CAD: variants seen among roughly 807,000 people sequenced by gnomAD.
The protein encoded by CAD is carbamoyl-phosphate synthetase 2, aspartate transcarbamylase, and dihydroorotase.
In CAD, 81 loss-of-function variants were observed where a neutral mutation model predicts 237.2. The observed-to-expected ratio is 0.34, with a 90% CI of 0.29 to 0.41. CAD has a LOEUF of 0.41. CAD is among the 10% of genes least tolerant of loss of function. The pLI is 1.00. For missense variants in CAD, 2,181 were observed against 2,951.7 expected, an observed-to-expected ratio of 0.74 and a Z score of 6.05; for synonymous variants, 1,196 against 1,162.8, an observed-to-expected ratio of 1.03 and a Z score of -0.58.
In CAD at chr2:27,241,786, G is replaced by A. The variant is rs1572454086; in HGVS notation, c.5884-125G>A. The stretch of plus-strand genomic sequence containing the variant: ...CGTCAAGGCTCTGACAGGTCACAGG[G>A]GAGGTTTGGGTGCAGAAGGGTCCTC... On this transcript the variant is annotated intron_variant, in intron 38 of 43. Transcript: ENST00000264705. This position sits in a 1 kb window ranked among gnomAD's most constrained non-coding sequence, Gnocchi z 4.6. The A allele has an allele frequency of 2.8e-6, 2 of 705,806 alleles. No homozygotes were observed. Among genetic ancestry groups the A allele is most frequent in the African/African-American group, 1.8e-5 (1 of 56,698 alleles). 43.7% of individuals were successfully genotyped at this position (705,806 alleles called of 1,614,324 possible).
intron 2 of CAD, among the ~76,000 whole-genome samples, chr2:27,220,191 T>C (rs540295657): frequency 2.5e-3 from 388 of 152,200 alleles, no homozygotes; most frequent in Non-Finnish European, 4.1e-3. Flanking sequence ...TGCTCTTGAG[T>C]TCTCTGTTTC....
chr2:27,221,122 T>C (rs1675144765), intron 2 of CAD, 96 bp from the exon 3 acceptor site: 3 of 1,075,022 alleles, frequency 2.8e-6, no homozygotes, highest in African/African-American at 1.6e-5. Context: ...GGCCATTCAA[T>C]GTGGCTGAAT....
In CAD at chr2:27,232,961, C is replaced by A; in HGVS notation, c.2893-81C>A. 3.1e-6 allele frequency: 3 copies of A among 983,530 alleles called. No individual in the cohort carries two copies. Among genetic ancestry groups the A allele is most frequent in the Non-Finnish European group, 4.9e-6 (3 of 611,040 alleles). 60.9% of individuals were successfully genotyped at this position (983,530 alleles called of 1,614,324 possible). On this transcript the variant is annotated intron_variant, in intron 18 of 43. Coordinates refer to ENST00000264705, the MANE Select transcript of CAD (RefSeq NM_004341.5). The surrounding 1 kb of genome is among the most constrained non-coding windows in gnomAD (Gnocchi z 4.1). ...GTGCTGGCAGTCTCTGAAGTAGGGGCTTTGGCTTAGTTTCTCCACGATTTT... is the reference window on the plus strand; with the variant it reads ...GTGCTGGCAGTCTCTGAAGTAGGGGATTTGGCTTAGTTTCTCCACGATTTT...
intron 15 of CAD, among the ~76,000 whole-genome samples, chr2:27,230,265 G>A (rs1393408025): frequency 1.3e-5 from 2 of 152,114 alleles, no homozygotes; most frequent in East Asian, 1.9e-4. Flanking sequence ...TGTTGATGAG[G>A]CCATGTGGCA....
At position 27,240,627 on chromosome 2, in the gene CAD, GGTT is replaced by G. The variant is rs1398743992; in HGVS notation, c.5593+271_5593+273del. ...GGCAGCAGAGCGTGGGGTAAATCCA[GGTT>G]GTTGGTTGGTGTGAGTCTGGCCGTT... On this transcript the variant is annotated intron_variant, in intron 35 of 43. Transcript: ENST00000264705. The surrounding 1 kb of genome is among the most constrained non-coding windows in gnomAD (Gnocchi z 4.6). 8.4e-6 allele frequency: 13 copies of G among 1,543,612 alleles called. No individual in the cohort carries two copies. Among genetic ancestry groups the G allele is most frequent in the Non-Finnish European group, 1.1e-5 (13 of 1,142,956 alleles).
chr2:27,217,860 C>T lies in CAD; in HGVS notation c.83-17C>T. On this transcript the variant is annotated splice_polypyrimidine_tract_variant and intron_variant, in intron 1 of 43. Transcript: ENST00000264705. ...AAGGGTGCCCTACCGGAGCCCAGCC[C>T]TGCTTCTTTCTTGCAGTGTTTCAAA... 1 of 1,586,826 alleles carries T rather than the reference C, an allele frequency of 6.3e-7. No individual in the cohort carries two copies. Among genetic ancestry groups the T allele is most frequent in the Non-Finnish European group, 8.6e-7 (1 of 1,166,382 alleles).
rs1348297746 is a variant in CAD, at chr2:27,234,510, TG to T, written c.3619-7del. ...TGCAGAAGGCCTGACCAGTCTTCTCTGCCCCAGGATGACCAGCTGAAAGTTA... is the reference window on the plus strand; with the variant it reads ...TGCAGAAGGCCTGACCAGTCTTCTCTCCCCAGGATGACCAGCTGAAAGTTA... On this transcript the variant is annotated splice_polypyrimidine_tract_variant and splice_region_variant and intron_variant, in intron 22 of 43. Coordinates refer to ENST00000264705, the MANE Select transcript of CAD (RefSeq NM_004341.5). 64 of 1,613,132 alleles carry T rather than the reference TG, an allele frequency of 4.0e-5. No individual in the cohort carries two copies. The highest frequency in any genetic ancestry group is 5.4e-5 in the Non-Finnish European group (64 of 1,179,492).
At position 27,242,137 on chromosome 2, in the gene CAD, G is replaced by A. The variant is rs541303135; in HGVS notation, c.6096+14G>A. ...GGAGCAGTGGAGGTGAGGCCAGCCT[G>A]GGTACTGAGATGGGGTTAAGAAGGC... On this transcript the variant is annotated intron_variant, in intron 39 of 43. Coordinates refer to ENST00000264705, the MANE Select transcript of CAD (RefSeq NM_004341.5). This position sits in a 1 kb window ranked among gnomAD's most constrained non-coding sequence, Gnocchi z 6.4. 70 of 1,611,396 alleles carry A rather than the reference G, an allele frequency of 4.3e-5. No homozygotes were observed. In the Middle Eastern group the frequency reaches 5.6e-4, roughly 13 times the overall value.
At position 27,230,908 on chromosome 2, in the gene CAD, A is replaced by G. The variant is rs552980126; in HGVS notation, c.2288-560A>G. On this transcript the variant is annotated intron_variant, in intron 15 of 43. Coordinates refer to ENST00000264705, the MANE Select transcript of CAD (RefSeq NM_004341.5). ...CAGTATCCCCATGCCCGTTTTAGGC[A>G]TATTGATTCCATATTCATCAATAAG... Among the ~76,000 whole-genome samples, 36 of 152,380 alleles carry G rather than the reference A, an allele frequency of 2.4e-4. 1 individual carries two copies. In the South Asian group the frequency reaches 6.6e-3, roughly 28 times the overall value.
intron 11 of CAD, 62 bp downstream of exon 11, chr2:27,225,305 T>TTC (rs1316081537): frequency 9.7e-5 from 45 of 465,848 alleles, no homozygotes; most frequent in Non-Finnish European, 1.2e-4. Flanking sequence ...GTTATTTTCT[T>TTC]TTTTTTTTTT....
rs551486869 is a variant in CAD, at chr2:27,228,515, C to G, written c.2287+1553C>G. 7.2e-5 allele frequency among the ~76,000 whole-genome samples: 11 copies of G among 152,314 alleles called. No homozygotes were observed. In the South Asian group the frequency reaches 2.3e-3, roughly 32 times the overall value. ...CAGGTGGGAGGATCGCTTGAGCCCA[C>G]GAGTTCAAGGTTGCAGTGAGCTGTG... On this transcript the variant is annotated intron_variant, in intron 15 of 43. Coordinates refer to ENST00000264705, the MANE Select transcript of CAD (RefSeq NM_004341.5).
chr2:27,236,955 C>A lies in CAD; in HGVS notation c.4396+125C>A. On this transcript the variant is annotated intron_variant, in intron 27 of 43. Coordinates refer to ENST00000264705, the MANE Select transcript of CAD (RefSeq NM_004341.5). The surrounding 1 kb of genome is among the most constrained non-coding windows in gnomAD (Gnocchi z 4.1). ...TGGACTGCACAGACTGTGAAGACCC[C>A]AGAATGTTTCTCACTCTTTCATTCC... is the stretch of plus-strand genomic sequence containing the variant. The A allele has an allele frequency of 1.3e-6, 1 of 782,514 alleles. No homozygotes were observed. The allele number at this position is 782,514 out of a possible 1,614,324, so 48.5% of individuals were successfully genotyped here.
At position 27,222,260 on chromosome 2, in the gene CAD, A is replaced by G. The variant is rs764098153; in HGVS notation, c.419A>G (p.Gln140Arg). The G allele has an allele frequency of 3.7e-6, 6 of 1,614,010 alleles. No homozygotes were observed. The highest frequency in any genetic ancestry group is 2.7e-5 in the African/African-American group (2 of 74,900). ...EQGSLLGKLV[Q>R]NGTEPSSLPF... ...GGGTCTCTGCTGGGGAAGCTGGTCC[A>G]GAATGGAACAGAACCTTCATCCCTG... Residue 140 changes from glutamine to arginine, a missense_variant, in exon 4 of 44, where the codon CAG becomes CGG. Gln to Arg is a conservative substitution (Grantham distance 43). This residue lies in a region of CAD where 314 missense variants were observed against 339.4 expected (regional missense o/e 0.93). Transcript: ENST00000264705.
chr2:27,224,630 T>A lies in CAD; in HGVS notation c.1255-115T>A. On this transcript the variant is annotated intron_variant, in intron 9 of 43. Transcript: ENST00000264705. ...AGAAAGATGTAGTAAGAAATAGAAG[T>A]CAATTATTAGGGGCCAAGAGTACAG... 1.0e-5 allele frequency: 16 copies of A among 1,537,078 alleles called. No individual in the cohort carries two copies. In the South Asian group the frequency reaches 1.9e-4, roughly 18 times the overall value.
rs7589553 is a variant in CAD, at chr2:27,240,455, T to C, written c.5593+94T>C. The C allele has an allele frequency of 0.026, 37,691 of 1,475,914 alleles. 2,947 individuals carry two copies. In the African/African-American group the frequency reaches 0.27, roughly 11 times the overall value. 91.4% of individuals were successfully genotyped at this position (1,475,914 alleles called of 1,614,324 possible). ...CTTTCTCTACTTACATGTCCTCCTC[T>C]CCATCCCTTTATCCTCGTCTGATCT... On this transcript the variant is annotated intron_variant, in intron 35 of 43. Coordinates refer to ENST00000264705, the MANE Select transcript of CAD (RefSeq NM_004341.5). The surrounding 1 kb of genome is among the most constrained non-coding windows in gnomAD (Gnocchi z 4.6).
rs2148066797 is a variant in CAD at position 27,226,251 on chromosome 2, G to T, written c.1963G>T (p.Val655Leu). 6.2e-7 allele frequency: 1 copy of T among 1,614,236 alleles called. No homozygotes were observed. Among genetic ancestry groups the T allele is most frequent in the Non-Finnish European group, 8.5e-7 (1 of 1,180,030 alleles). Residue 655 changes from valine (V) to leucine (L), a missense_variant, in exon 13 of 44, where the codon GTG (valine) becomes TTG (leucine). This residue lies in a region of CAD where 385 missense variants were observed against 535.1 expected (regional missense o/e 0.72). Transcript: ENST00000264705. ...YQLLRQTAIKVTQHLGIVGEC... is the reference protein window; with the variant it reads ...YQLLRQTAIKLTQHLGIVGEC... ...GCTCCTGAGGCAGACAGCTATCAAG[G>T]TGACCCAGCACCTGGGAATTGTTGG...
At chr2:27,231,921 C>T (rs1374408618) in intron 16 of CAD, 59 bp from the exon 17 acceptor site, 17 of 1,603,932 alleles carry the variant, frequency 1.1e-5, no homozygotes, top group African/African-American at 1.3e-5. Flanking sequence ...CAGCTACTTA[C>T]GCTCAGGCTT....
intron 3 of CAD, among the ~76,000 whole-genome samples, chr2:27,221,556 G>A (rs1675164783): frequency 6.6e-6 from 1 of 152,092 alleles, no homozygotes; most frequent in Non-Finnish European, 1.5e-5. Context: ...ATAATCATCA[G>A]CTTAGGGCTA....
At chr2:27,224,076 G>A in intron 8 of CAD, 47 bp downstream of exon 8, 1 of 1,381,312 alleles carries the variant, frequency 7.2e-7, no homozygotes, top group Non-Finnish European at 1.0e-6. Context: ...AACAGGGTTG[G>A]CTCCAGGATG....
Sources: gnomAD v4.1 joint callset for allele counts (sites outside exome capture counted in the v4.1 genomes callset) on GRCh38, gnomAD v4.1.1 for gene constraint, gnomAD v4.1.1 regional missense constraint, Gnocchi (gnomAD v3.1) non-coding constraint, MANE v1.5 for transcripts, NCBI Gene and HGNC (gene_info 2026-07-23, HGNC 2026-07-21) for gene names.